ATXN1: variants seen among roughly 807,000 people sequenced by gnomAD.
The protein encoded by ATXN1 is ataxin 1.
Under a neutral mutation model 56.4 loss-of-function variants are expected in ATXN1, and 8 were observed. The observed-to-expected ratio is 0.14, with a 90% confidence interval of 0.08 to 0.26. The LOEUF (loss-of-function observed/expected upper bound fraction) is 0.26, where lower values mean the gene tolerates loss of function less well. Among genes scored for constraint, ATXN1 ranks in the 10% least tolerant of loss-of-function variants. The pLI is 1.00. For missense variants in ATXN1, 987 were observed against 1,106.5 expected, an observed-to-expected ratio of 0.89 and a Z score of 1.53; for synonymous variants, 514 against 494.6, an observed-to-expected ratio of 1.04 and a Z score of -0.52.
chr6:16,571,478 T>C (rs935281727), intron 4 of ATXN1, among the ~76,000 whole-genome samples: 7 of 152,162 alleles, frequency 4.6e-5, no homozygotes, highest in African/African-American at 1.7e-4. Flanking sequence ...GTCATTCTTT[T>C]ATACATTATT....
At chr6:16,567,669 A>T (rs373195102) in intron 4 of ATXN1, among the ~76,000 whole-genome samples, 5 of 151,998 alleles carry the variant, frequency 3.3e-5, no homozygotes, top group Admixed American at 3.3e-4. Flanking sequence ...TTACTTGTAT[A>T]TGGATAGTAA....
At chr6:16,716,949 A>AT (rs1759653694) in intron 2 of ATXN1, among the ~76,000 whole-genome samples, 2 of 152,378 alleles carry the variant, frequency 1.3e-5, no homozygotes, top group South Asian at 4.1e-4. Flanking sequence ...AAAGGGACTT[A>AT]TAAGAAGGAC....
chr6:16,720,649 C>A (rs2113468839), intron 2 of ATXN1, among the ~76,000 whole-genome samples: 1 of 152,258 alleles, frequency 6.6e-6, no homozygotes, highest in Middle Eastern at 3.4e-3. Flanking sequence ...CTCCAATGCT[C>A]TTCTATTAAA....
intron 4 of ATXN1, among the ~76,000 whole-genome samples, chr6:16,543,652 A>AAAG (rs535769427): frequency 0.092 from 13,006 of 141,932 alleles, 783 homozygotes; most frequent in African/African-American, 0.12. Flanking sequence ...AAAAAAAAAA[A>AAAG]AGAGAGAGAG....
At chr6:16,701,868 A>G (rs1759291851) in intron 2 of ATXN1, among the ~76,000 whole-genome samples, 1 of 152,244 alleles carries the variant, frequency 6.6e-6, no homozygotes, top group Admixed American at 6.5e-5. Flanking sequence ...TTCCATGCTC[A>G]TGGAAAGGAA....
At chr6:16,502,381 T>G (rs548703776) in intron 5 of ATXN1, among the ~76,000 whole-genome samples, 1 of 152,198 alleles carries the variant, frequency 6.6e-6, no homozygotes, top group Non-Finnish European at 1.5e-5. Flanking sequence ...GTGCAGAAAT[T>G]GTGTTCAAAT....
intron 6 of ATXN1, among the ~76,000 whole-genome samples, chr6:16,341,514 ATTTTTTTTTT>A (rs1180798356): frequency 3.3e-5 from 4 of 122,706 alleles, no homozygotes; most frequent in East Asian, 2.5e-4. Context: ...GGTATAGAGG[ATTTTTTTTTT>A]TTTTTTTTTT....
At chr6:16,566,669 C>T (rs535864753) in intron 4 of ATXN1, among the ~76,000 whole-genome samples, 31 of 152,038 alleles carry the variant, frequency 2.0e-4, no homozygotes, top group East Asian at 7.7e-4. Context: ...CTGGCGAACA[C>T]TGTGAAACCC....
At chr6:16,533,146 T>C (rs947449981) in intron 4 of ATXN1, among the ~76,000 whole-genome samples, 6 of 152,150 alleles carry the variant, frequency 3.9e-5, no homozygotes, top group African/African-American at 1.4e-4. Context: ...ATGACTGCAA[T>C]ATAATGTGAA....
chr6:16,611,929 G>A (rs1052255830), intron 3 of ATXN1, among the ~76,000 whole-genome samples: 5 of 124,904 alleles, frequency 4.0e-5, no homozygotes, highest in East Asian at 2.7e-4. Context: ...GCTCCATCTC[G>A]GCTCACTGCA....
intron 6 of ATXN1, among the ~76,000 whole-genome samples, chr6:16,387,869 G>C (rs151329818): frequency 6.6e-6 from 1 of 152,122 alleles, no homozygotes; most frequent in Non-Finnish European, 1.5e-5. Context: ...CTACATGCCA[G>C]GTAGTGTACA....
chr6:16,622,104 A>C (rs1763329626), intron 3 of ATXN1, among the ~76,000 whole-genome samples: 1 of 152,242 alleles, frequency 6.6e-6, no homozygotes, highest in Admixed American at 6.5e-5. Context: ...GAAATACACA[A>C]GTGACAGATG....
At chr6:16,595,026 CAA>C (rs1272669718) in intron 3 of ATXN1, among the ~76,000 whole-genome samples, 5 of 152,104 alleles carry the variant, frequency 3.3e-5, no homozygotes. Flanking sequence ...AGGTGGATAC[CAA>C]AAGTGTCCAA....
chr6:16,366,091 T>A (rs1054057819), intron 6 of ATXN1, among the ~76,000 whole-genome samples: 4 of 152,244 alleles, frequency 2.6e-5, no homozygotes, highest in Non-Finnish European at 4.4e-5. Context: ...CAGCAATCTT[T>A]AAAGAAACAA....
intron 5 of ATXN1, among the ~76,000 whole-genome samples, chr6:16,497,426 G>A (rs1324807925): frequency 6.6e-6 from 1 of 152,168 alleles, no homozygotes; most frequent in African/African-American, 2.4e-5. Context: ...AGACCGTTCT[G>A]TGGGCTTGGA....
intron 6 of ATXN1, among the ~76,000 whole-genome samples, chr6:16,408,204 A>T (rs936742102): frequency 3.3e-5 from 5 of 152,202 alleles, no homozygotes; most frequent in Non-Finnish European, 7.3e-5. Flanking sequence ...TCCCTGCTGT[A>T]CTTGGCAACA....
intron 3 of ATXN1, among the ~76,000 whole-genome samples, chr6:16,598,674 T>G (rs977791218): frequency 9.2e-5 from 14 of 152,286 alleles, no homozygotes; most frequent in South Asian, 4.1e-4. Flanking sequence ...TCAAGGATGC[T>G]GGCTTCCTGG....
At chr6:16,750,896 C>T (rs1214300069) in intron 2 of ATXN1, among the ~76,000 whole-genome samples, 2 of 151,938 alleles carry the variant, frequency 1.3e-5, no homozygotes, top group African/African-American at 2.4e-5. Context: ...AGCACATAAC[C>T]GTTAAAATGA....
intron 6 of ATXN1, among the ~76,000 whole-genome samples, chr6:16,421,368 C>T (rs1759028314): frequency 6.6e-6 from 1 of 152,072 alleles, no homozygotes; most frequent in African/African-American, 2.4e-5. Context: ...AAATCATTTA[C>T]TGAACTAACA....
Sources: allele counts gnomAD v4.1 joint callset (sites outside exome capture counted in the v4.1 genomes callset), GRCh38; gene constraint gnomAD v4.1.1; transcripts MANE v1.5; gene names NCBI Gene and HGNC (gene_info 2026-07-23, HGNC 2026-07-21).